The following RYR3 variants were observed in gnomAD, a reference collection of about 807,000 sequenced individuals.
RYR3 encodes the protein brain ryanodine receptor-calcium release channel.
Under a neutral mutation model 584.3 loss-of-function variants are expected in RYR3, and 207 were observed. The observed-to-expected ratio is 0.35, with a 90% CI of 0.32 to 0.40. The LOEUF is 0.40. Ranked by LOEUF, RYR3 falls within the 10% of genes least tolerant of loss-of-function variation. The pLI, the probability that RYR3 is intolerant of heterozygous loss-of-function variation, is 1.00. For synonymous variants in RYR3, 2,416 were observed against 2,248.5 expected, an observed-to-expected ratio of 1.07 and a Z score of -2.11; for missense variants, 5,616 against 6,089.2, an observed-to-expected ratio of 0.92 and a Z score of 2.59.
At chr15:33,745,291 G>C (rs1596397686) in intron 52 of RYR3, among the ~76,000 whole-genome samples, 1 of 151,922 alleles carries the variant, frequency 6.6e-6, no homozygotes, top group Non-Finnish European at 1.5e-5. Context: ...TTTGAAACTA[G>C]GAGGGAGTTT....
At chr15:33,549,456 T>A (rs2056507827) in intron 9 of RYR3, among the ~76,000 whole-genome samples, 1 of 152,244 alleles carries the variant, frequency 6.6e-6, no homozygotes, top group South Asian at 2.1e-4. Context: ...ATTTTGCATA[T>A]GAGCAAATAT....
chr15:33,461,594 C>T (rs1239854023), intron 1 of RYR3, among the ~76,000 whole-genome samples: 1 of 152,076 alleles, frequency 6.6e-6, no homozygotes, highest in Admixed American at 6.5e-5. Context: ...GGATATGATC[C>T]TCGCCTTCTA....
intron 44 of RYR3, among the ~76,000 whole-genome samples, chr15:33,723,353 AAAAT>A (rs150098512): frequency 0.079 from 11,953 of 152,154 alleles, 1,179 homozygotes; most frequent in African/African-American, 0.23. Flanking sequence ...TTGACTTCTA[AAAAT>A]AAATAAATAA....
At chr15:33,416,760 T>C (rs149708244) in intron 1 of RYR3, among the ~76,000 whole-genome samples, 1,741 of 152,338 alleles carry the variant, frequency 0.011, 45 homozygotes, top group African/African-American at 0.039. Context: ...ATAACTTTTT[T>C]GCCTAGGCCA....
Position 33,750,186 on chromosome 15 carries a change from G to A in RYR3, c.8299G>A (p.Val2767Ile). 1.2e-6 allele frequency: 2 copies of A among 1,609,530 alleles called. No individual in the cohort carries two copies. Among genetic ancestry groups the A allele is most frequent in the South Asian group, 1.1e-5 (1 of 89,826 alleles). The change falls in exon 57 of 104, where the codon GTA (valine) becomes ATA (isoleucine). Residue 2767 changes from valine to isoleucine, a missense_variant. Transcript: ENST00000634891. ...AGGTGGTGGCAGCCACCCTCTTCTG[G>A]TACCATATGACACCTTGACTGCCAA... is the stretch of plus-strand genomic sequence containing the variant. ...SKGGGSHPLL[V>I]PYDTLTAKEK...
At chr15:33,609,951 T>C (rs1358122060) in intron 18 of RYR3, among the ~76,000 whole-genome samples, 1 of 152,164 alleles carries the variant, frequency 6.6e-6, no homozygotes, top group Non-Finnish European at 1.5e-5. Context: ...GTTTTCTTTT[T>C]AAATAATTTT....
At chr15:33,669,228 CA>C (rs10630004) in intron 36 of RYR3, 125 bp from the exon 37 acceptor site, 72,202 of 490,266 alleles carry the variant, frequency 0.15, no homozygotes, top group Middle Eastern at 0.19. Context: ...CCACTTTTAC[CA>C]AAAAAAAAAA....
intron 1 of RYR3, among the ~76,000 whole-genome samples, chr15:33,384,607 A>ACG (rs1356402367): frequency 1.3e-5 from 2 of 149,766 alleles, no homozygotes; most frequent in South Asian, 2.1e-4. Flanking sequence ...ATATGCACAC[A>ACG]CACACACACA....
rs139063789 is a variant in RYR3, at chr15:33,664,589, G to GTATATATATATATATATATATATATATA, written c.5619+878_5619+879insTATATATATATATATATATATATATATA. Among the ~76,000 whole-genome samples, 67 of 91,330 alleles carry GTATATATATATATATATATATATATATA rather than the reference G, an allele frequency of 7.3e-4. 3 individuals carry two copies. The highest frequency in any genetic ancestry group is 1.1e-3 in the African/African-American group (26 of 22,744). The allele number at this position is 91,330 out of a possible 152,430, so 59.9% of individuals were successfully genotyped here. A position where few individuals can be genotyped will look rare whatever the true frequency, so the allele number is the denominator to read the frequency against. On this transcript the variant is annotated intron_variant, in intron 36 of 103. Transcript: ENST00000634891. ...TATATAGATATATGTGTGTGTGTGTGTATATATATATATATATATATATAT... is the reference window on the plus strand; with the variant it reads ...TATATAGATATATGTGTGTGTGTGTGTATATATATATATATATATATATATATATATATATATATATATATATATATAT...
chr15:33,745,973 C>T (rs2070665226), intron 52 of RYR3, 95 bp from the exon 53 acceptor site: 4 of 815,840 alleles, frequency 4.9e-6, no homozygotes, highest in East Asian at 2.7e-5. Context: ...CTATCCATTA[C>T]TCCACTTGCT....
intron 1 of RYR3, among the ~76,000 whole-genome samples, chr15:33,406,934 TTA>T (rs1398522586): frequency 6.6e-6 from 1 of 152,210 alleles, no homozygotes; most frequent in African/African-American, 2.4e-5. Context: ...ACTATGCAAT[TTA>T]TAAACAATAG....
chr15:33,830,635 C>A (rs748414141), intron 85 of RYR3, among the ~76,000 whole-genome samples: 2 of 152,156 alleles, frequency 1.3e-5, no homozygotes, highest in Non-Finnish European at 2.9e-5. Flanking sequence ...ACAATATTAG[C>A]TATTATGTTG....
chr15:33,353,110 A>T (rs1973498701), intron 1 of RYR3, among the ~76,000 whole-genome samples: 1 of 152,162 alleles, frequency 6.6e-6, no homozygotes, highest in Non-Finnish European at 1.5e-5. Context: ...CTCTTCTCTA[A>T]GGTATATGAG....
In RYR3 at chr15:33,584,466, T is replaced by C; in HGVS notation, c.1645T>C (p.Leu549=). 1 of 1,585,122 alleles carries C rather than the reference T, an allele frequency of 6.3e-7. No individual in the cohort carries two copies. The highest frequency in any genetic ancestry group is 8.7e-7 in the Non-Finnish European group (1 of 1,154,952). The change falls in exon 15 of 104, where the codon TTG becomes CTG. Residue 549 remains leucine (L), a synonymous_variant. Coordinates refer to ENST00000634891, the MANE Select transcript of RYR3 (RefSeq NM_001036.6). ...TAACCTTGATTGGCTCATCAGTAAA[T>C]TGGACAGACTAGAATCTTCCTCAGG... ...SNNLDWLISK[L]DRLESSSGIL... is the part of the protein sequence containing the mutation.
At chr15:33,854,737 C>A in intron 97 of RYR3, 29 bp from the exon 98 acceptor site, 2 of 1,581,816 alleles carry the variant, frequency 1.3e-6, no homozygotes, top group South Asian at 1.2e-5. Flanking sequence ...GGCAAACATG[C>A]TTAAAAGTCT....
chr15:33,690,670 A>G (rs532178260), intron 38 of RYR3, among the ~76,000 whole-genome samples: 2 of 152,298 alleles, frequency 1.3e-5, no homozygotes, highest in East Asian at 3.9e-4. Context: ...TTGGTTTCCA[A>G]TCACAGCCTC....
Position 33,609,712 on chromosome 15 carries a change from T to A in RYR3, c.2165-3471T>A, listed in dbSNP as rs907490949. ...CAGAAGTTAAACTAATGAAAAAAAATTGTTTTTAATGGTAAAATAAATCTT... is the reference window on the plus strand; with the variant it reads ...CAGAAGTTAAACTAATGAAAAAAAAATGTTTTTAATGGTAAAATAAATCTT... On this transcript the variant is annotated intron_variant, in intron 18 of 103. Transcript: ENST00000634891. 1.1e-4 allele frequency among the ~76,000 whole-genome samples: 17 copies of A among 152,200 alleles called. No homozygotes were observed. In the East Asian group the frequency reaches 3.3e-3, roughly 29 times the overall value.
At chr15:33,506,889 TAAAG>T (rs1282762977) in intron 3 of RYR3, among the ~76,000 whole-genome samples, 7 of 152,144 alleles carry the variant, frequency 4.6e-5, no homozygotes, top group Non-Finnish European at 7.4e-5. Context: ...AGAGGAAAAA[TAAAG>T]AAGGAAGTGA....
At chr15:33,761,990 A>G (rs1596475071) in intron 60 of RYR3, among the ~76,000 whole-genome samples, 1 of 152,360 alleles carries the variant, frequency 6.6e-6, no homozygotes, top group African/African-American at 2.4e-5. Context: ...TCACATAAAC[A>G]GAACCAATGA....
Sources: gnomAD v4.1 joint callset for allele counts (sites outside exome capture counted in the v4.1 genomes callset) on GRCh38, gnomAD v4.1.1 for gene constraint, MANE v1.5 for transcripts, NCBI Gene and HGNC (gene_info 2026-07-23, HGNC 2026-07-21) for gene names.